The following MFF variants were observed in gnomAD, a reference collection of about 807,000 sequenced individuals.
MFF encodes the protein chromosome 2 open reading frame 33.
In MFF, 12 loss-of-function variants were observed where a neutral mutation model predicts 36.9. The observed-to-expected ratio is 0.33, with a 90% confidence interval of 0.21 to 0.53. The LOEUF is 0.53. MFF is among the 20% of genes least tolerant of loss of function. The pLI, the probability that MFF is intolerant of heterozygous loss-of-function variation, is 0.95. For missense variants in MFF, 348 were observed against 366.6 expected, an observed-to-expected ratio of 0.95 and a Z score of 0.42; for synonymous variants, 99 against 126.2, an observed-to-expected ratio of 0.78 and a Z score of 1.44.
chr2:227,354,696 T>A (rs922045954), intron 7 of MFF, among the ~76,000 whole-genome samples: 24 of 151,398 alleles, frequency 1.6e-4, no homozygotes, highest in African/African-American at 5.9e-4. Flanking sequence ...AGTACTTTTT[T>A]AATATGCTTT....
intron 6 of MFF, among the ~76,000 whole-genome samples, chr2:227,350,787 T>C (rs1017058298): frequency 4.6e-5 from 7 of 152,190 alleles, no homozygotes; most frequent in Non-Finnish European, 1.0e-4. Flanking sequence ...CTTGGATTTC[T>C]TTCCCTTTTG....
rs1347922791 is a variant in MFF at position 227,357,067 on chromosome 2, A to G, written c.826A>G (p.Ile276Val). The change falls in exon 9 of 9, where the codon ATT becomes GTT. Residue 276 changes from isoleucine to valine, a missense_variant. Transcript: ENST00000304593. ...RAKREMVMYS[I>V]TVAFWLLNSW... ...TAAAAGAGAAATGGTCATGTATTCA[A>G]TTACTGTAGCTTTCTGGCTGCTTAA... The G allele has an allele frequency of 6.2e-7, 1 of 1,612,620 alleles. No individual in the cohort carries two copies. The highest frequency in any genetic ancestry group is 8.5e-7 in the Non-Finnish European group (1 of 1,179,992).
intron 1 of MFF, 159 bp downstream of exon 1, chr2:227,325,586 T>A (rs891814286): frequency 2.6e-5 from 4 of 152,238 alleles, no homozygotes; most frequent in African/African-American, 9.7e-5. Flanking sequence ...GCCTCTTGCC[T>A]TCAACCCTGG....
Position 227,330,827 on chromosome 2 carries a change from G to A in MFF, c.162G>A (p.Pro54=), listed in dbSNP as rs745860978. The part of the protein sequence containing the change: ...VPNASVIMQV[P]ERIVVAGNNE... The stretch of plus-strand genomic sequence containing the variant: ...ATGCTAGTGTGATAATGCAAGTTCC[G>A]GAGAGGATTGTTGTAGCAGGTATTT... The change falls in exon 3 of 9, where the codon CCG becomes CCA. Residue 54 remains proline (P), a synonymous_variant. Transcript: ENST00000304593. 43 of 1,613,924 alleles carry A rather than the reference G, an allele frequency of 2.7e-5. No individual in the cohort carries two copies. The highest frequency in any genetic ancestry group is 1.6e-4 in the East Asian group (7 of 44,898).
At chr2:227,338,952 C>T (rs1344004586) in intron 4 of MFF, among the ~76,000 whole-genome samples, 1 of 151,662 alleles carries the variant, frequency 6.6e-6, no homozygotes, top group East Asian at 1.9e-4. Flanking sequence ...CCTGTAATCC[C>T]AACACTTTGG....
At chr2:227,351,697 C>G (rs13400525) in intron 6 of MFF, 1 of 152,118 alleles carries the variant, frequency 6.6e-6, no homozygotes, top group South Asian at 2.1e-4. Flanking sequence ...AAAGATAAAA[C>G]GTATTGGAAA....
chr2:227,340,177 C>T, intron 4 of MFF, 115 bp from the exon 5 acceptor site: 1 of 766,974 alleles, frequency 1.3e-6, no homozygotes, highest in Non-Finnish European at 2.1e-6. Flanking sequence ...GTTGCCTTTT[C>T]TTAGTTCGTT....
At chr2:227,340,199 G>T in intron 4 of MFF, 93 bp from the exon 5 acceptor site, 1 of 992,520 alleles carries the variant, frequency 1.0e-6, no homozygotes, top group South Asian at 1.6e-5. Context: ...TAAGTTTTTT[G>T]AGTAGCCTTG....
intron 5 of MFF, 95 bp from the exon 6 acceptor site, chr2:227,347,131 C>A: frequency 9.4e-7 from 1 of 1,064,118 alleles, no homozygotes; most frequent in Non-Finnish European, 1.4e-6. Flanking sequence ...GGGGCAAGAA[C>A]ACTAAGAAAA....
At chr2:227,355,794 A>C in intron 8 of MFF, 33 bp downstream of exon 8, 2 of 1,303,916 alleles carry the variant, frequency 1.5e-6, no homozygotes, top group Non-Finnish European at 2.2e-6. Flanking sequence ...TATATTTCTC[A>C]GTTATATTCA....
intron 5 of MFF, among the ~76,000 whole-genome samples, chr2:227,342,195 C>T (rs1205699687): frequency 1.3e-5 from 2 of 151,842 alleles, no homozygotes; most frequent in Non-Finnish European, 2.9e-5. Context: ...CACAGTGAAA[C>T]ACTTAACATT....
intron 4 of MFF, among the ~76,000 whole-genome samples, chr2:227,336,845 T>C (rs746073909): frequency 1.4e-4 from 22 of 152,208 alleles, no homozygotes; most frequent in African/African-American, 4.3e-4. Context: ...TCAATTGATA[T>C]GACAACGCTA....
chr2:227,325,410 C>T lies in MFF; in HGVS notation c.-170C>T, dbSNP rs1382421394. On this transcript the variant is annotated 5_prime_UTR_variant, in exon 1 of 9. Transcript: ENST00000304593. Reference sequence around the variant, plus strand: ...AGAGGGCGGGGGTCCTCGCCGGGACCCTCCTGTGGGCCCAGGGGTGAGTGT... The same window carrying T: ...AGAGGGCGGGGGTCCTCGCCGGGACTCTCCTGTGGGCCCAGGGGTGAGTGT... The T allele has an allele frequency of 6.5e-6, 1 of 154,422 alleles. No homozygotes were observed. Among genetic ancestry groups the T allele is most frequent in the Non-Finnish European group, 1.4e-5 (1 of 69,228 alleles). The allele number at this position is 154,422 out of a possible 1,614,324, so 9.6% of individuals were successfully genotyped here.
chr2:227,334,538 A>G (rs957820721), intron 4 of MFF, among the ~76,000 whole-genome samples: 1 of 152,164 alleles, frequency 6.6e-6, no homozygotes, highest in African/African-American at 2.4e-5. Context: ...TCAGGTGTTA[A>G]CTCAGAATCG....
intron 5 of MFF, among the ~76,000 whole-genome samples, chr2:227,345,621 A>G (rs1297997765): frequency 1.3e-5 from 2 of 152,204 alleles, no homozygotes; most frequent in Non-Finnish European, 2.9e-5. Context: ...AGTGCTGCCT[A>G]AAGAGAATTC....
At chr2:227,332,638 TAAAAG>T (rs2074685896) in intron 4 of MFF, 50 bp downstream of exon 4, 2 of 1,448,802 alleles carry the variant, frequency 1.4e-6, no homozygotes, top group Admixed American at 2.0e-5. Context: ...TAGACAAAGG[TAAAAG>T]AGAAGAGCAA....
intron 4 of MFF, among the ~76,000 whole-genome samples, chr2:227,337,671 A>G (rs2075109497): frequency 6.6e-6 from 1 of 152,186 alleles, no homozygotes; most frequent in African/African-American, 2.4e-5. Context: ...AGCTGCTTGA[A>G]CTTAGGAAAC....
chr2:227,326,578 A>G (rs570646302), intron 1 of MFF, among the ~76,000 whole-genome samples: 1 of 152,260 alleles, frequency 6.6e-6, no homozygotes, highest in South Asian at 2.1e-4. Context: ...CAGAATTGCA[A>G]AGTTTAGTCT....
At chr2:227,342,422 ATACC>A (rs1235642174) in intron 5 of MFF, among the ~76,000 whole-genome samples, 2 of 152,186 alleles carry the variant, frequency 1.3e-5, no homozygotes, top group Non-Finnish European at 2.9e-5. Flanking sequence ...AATTGATATA[ATACC>A]TCTATTAAAA....
Sources: gnomAD v4.1 joint callset for allele counts (sites outside exome capture counted in the v4.1 genomes callset) on GRCh38, gnomAD v4.1.1 for gene constraint, MANE v1.5 for transcripts, NCBI Gene and HGNC (gene_info 2026-07-23, HGNC 2026-07-21) for gene names.